Variants in RUNDC3B observed in about 807,000 individuals in gnomAD.
The protein encoded by RUNDC3B is RUN domain containing 3B.
A neutral mutation model predicts 58.4 loss-of-function variants in RUNDC3B; 33 were observed. The observed-to-expected ratio is 0.56, with a 90% CI of 0.43 to 0.75. The LOEUF is 0.75. Among genes scored for constraint, RUNDC3B ranks in the 30% least tolerant of loss-of-function variants. RUNDC3B has a pLI of 0.00. For synonymous variants in RUNDC3B, 193 were observed against 195.2 expected (o/e 0.99, Z 0.10); for missense variants, 501 against 535.7 (o/e 0.94, Z 0.64).
chr7:87,695,149 C>A (rs1337229306), intron 2 of RUNDC3B, among the ~76,000 whole-genome samples: 2 of 152,008 alleles, frequency 1.3e-5, no homozygotes, highest in Non-Finnish European at 2.9e-5. Context: ...TAAAGTGTAA[C>A]TAATTATTTT....
At chr7:87,751,019 C>T (rs1446973766) in intron 6 of RUNDC3B, among the ~76,000 whole-genome samples, 1 of 152,110 alleles carries the variant, frequency 6.6e-6, no homozygotes, top group South Asian at 2.1e-4. Flanking sequence ...TTAGGTCTAA[C>T]GTTTAAGTCT....
At chr7:87,729,976 G>A (rs1831481744) in intron 4 of RUNDC3B, among the ~76,000 whole-genome samples, 2 of 152,122 alleles carry the variant, frequency 1.3e-5, no homozygotes, top group Admixed American at 6.5e-5. Flanking sequence ...ACACAGCCTG[G>A]GCCAGAAGGG....
intron 6 of RUNDC3B, among the ~76,000 whole-genome samples, chr7:87,755,058 T>A (rs1833288147): frequency 6.6e-6 from 1 of 150,852 alleles, no homozygotes; most frequent in African/African-American, 2.4e-5. Flanking sequence ...AGTCTCACTC[T>A]GTCACCCAGG....
chr7:87,711,410 C>T (rs1367587743), intron 4 of RUNDC3B, among the ~76,000 whole-genome samples: 2 of 151,846 alleles, frequency 1.3e-5, no homozygotes, highest in African/African-American at 4.8e-5. Flanking sequence ...TTAGAACAAT[C>T]TAAACCATTG....
intron 6 of RUNDC3B, among the ~76,000 whole-genome samples, chr7:87,743,241 C>T (rs962921027): frequency 6.6e-6 from 1 of 152,166 alleles, no homozygotes; most frequent in Non-Finnish European, 1.5e-5. Flanking sequence ...GTTGGTTCCA[C>T]GATTTTGCAG....
chr7:87,681,744 G>A lies in RUNDC3B; in HGVS notation c.239-18677G>A, dbSNP rs140290936. 2.9e-5 allele frequency among the ~76,000 whole-genome samples: 4 copies of A among 138,068 alleles called. 1 individual carries two copies. Among genetic ancestry groups the A allele is most frequent in the African/African-American group, 1.1e-4 (4 of 35,126 alleles). The allele number at this position is 138,068 out of a possible 152,430, so 90.6% of individuals were successfully genotyped here. ...AAGACAACAATGGGCTGGGCACAGT[G>A]GCTTACAGCTATAATCCCAGCACTT... On this transcript the variant is annotated intron_variant, in intron 2 of 10. Coordinates refer to ENST00000394654, the MANE Select transcript of RUNDC3B (RefSeq NM_001134405.2).
intron 4 of RUNDC3B, among the ~76,000 whole-genome samples, chr7:87,720,542 A>ATATGTGTGTG (rs973948117): frequency 6.9e-5 from 10 of 145,184 alleles, no homozygotes; most frequent in African/African-American, 2.3e-4. Context: ...GATAGGATAT[A>ATATGTGTGTG]TGTGTGTGTG....
intron 4 of RUNDC3B, among the ~76,000 whole-genome samples, chr7:87,719,919 G>A (rs1449055615): frequency 2.7e-5 from 4 of 148,832 alleles, no homozygotes; most frequent in Admixed American, 6.7e-5. Context: ...CCCTATGTAG[G>A]TAAAATTCTT....
chr7:87,733,842 C>G (rs1374984367), intron 4 of RUNDC3B, among the ~76,000 whole-genome samples: 1 of 152,164 alleles, frequency 6.6e-6, no homozygotes, highest in Non-Finnish European at 1.5e-5. Context: ...CCTGCAGCTC[C>G]AGTTCCTAAC....
chr7:87,780,497 A>G (rs1218732396), intron 8 of RUNDC3B, among the ~76,000 whole-genome samples: 1 of 152,102 alleles, frequency 6.6e-6, no homozygotes, highest in African/African-American at 2.4e-5. Context: ...GGTTCTAGAT[A>G]TTAGACATTT....
intron 3 of RUNDC3B, among the ~76,000 whole-genome samples, chr7:87,703,885 C>CTTTTTTTT: frequency 8.6e-3 from 518 of 60,138 alleles, no homozygotes; most frequent in Middle Eastern, 0.015. Context: ...TCAGTTTTTT[C>CTTTTTTTT]TTTTTTTTTT....
chr7:87,661,222 G>T (rs543940472), intron 2 of RUNDC3B, among the ~76,000 whole-genome samples: 1 of 151,696 alleles, frequency 6.6e-6, no homozygotes, highest in Non-Finnish European at 1.5e-5. Context: ...CATAAATAAG[G>T]TATCCATCAC....
chr7:87,735,818 T>G (rs1831892335), intron 4 of RUNDC3B, among the ~76,000 whole-genome samples: 1 of 152,202 alleles, frequency 6.6e-6, no homozygotes, highest in African/African-American at 2.4e-5. Flanking sequence ...TTTATATTTA[T>G]CATCATCTGT....
chr7:87,780,108 A>G (rs1488142541), intron 8 of RUNDC3B, among the ~76,000 whole-genome samples: 1 of 152,130 alleles, frequency 6.6e-6, no homozygotes, highest in Admixed American at 6.6e-5. Flanking sequence ...GTGCATGTCT[A>G]TTTGGCAGAC....
intron 2 of RUNDC3B, among the ~76,000 whole-genome samples, chr7:87,655,439 G>A (rs76348194): frequency 0.013 from 2,034 of 152,190 alleles, 43 homozygotes; most frequent in African/African-American, 0.046. Flanking sequence ...TGACCCAGGA[G>A]ACATTATGTT....
intron 2 of RUNDC3B, among the ~76,000 whole-genome samples, chr7:87,671,356 G>C (rs1267988906): frequency 1.3e-5 from 2 of 152,180 alleles, no homozygotes; most frequent in African/African-American, 2.4e-5. Flanking sequence ...TGTCCAGGGA[G>C]TTGCCAAGTT....
At chr7:87,696,997 C>T (rs1828548728) in intron 2 of RUNDC3B, among the ~76,000 whole-genome samples, 1 of 152,126 alleles carries the variant, frequency 6.6e-6, no homozygotes, top group Admixed American at 6.5e-5. Flanking sequence ...TTTAAATACT[C>T]TTTGGTTTTC....
chr7:87,694,268 C>G lies in RUNDC3B; in HGVS notation c.239-6153C>G, dbSNP rs941066763. On this transcript the variant is annotated intron_variant, in intron 2 of 10. Transcript: ENST00000394654. Reference sequence around the variant, plus strand: ...GGAAGCTGTATGAATATTCCAGTCTCAGTAAAACATAGATGTGGCACCATA... The same window carrying G: ...GGAAGCTGTATGAATATTCCAGTCTGAGTAAAACATAGATGTGGCACCATA... 3.9e-4 allele frequency among the ~76,000 whole-genome samples: 59 copies of G among 152,114 alleles called. 1 individual carries two copies. Among genetic ancestry groups the G allele is most frequent in the Non-Finnish European group, 4.4e-5 (3 of 68,020 alleles).
intron 7 of RUNDC3B, among the ~76,000 whole-genome samples, 173 bp from the exon 8 acceptor site, chr7:87,777,625 T>C (rs1188924982): frequency 6.6e-6 from 1 of 152,230 alleles, no homozygotes; most frequent in Non-Finnish European, 1.5e-5. Context: ...GGAGAATATA[T>C]GTTAAATTTT....
Sources: allele counts gnomAD v4.1 joint callset (sites outside exome capture counted in the v4.1 genomes callset), GRCh38; gene constraint gnomAD v4.1.1; transcripts MANE v1.5; gene names NCBI Gene and HGNC (gene_info 2026-07-23, HGNC 2026-07-21).